SVOPL: variants seen among roughly 807,000 people sequenced by gnomAD.
SVOPL encodes SVOP like.
A neutral mutation model predicts 61.0 loss-of-function variants in SVOPL; 60 were observed. The observed-to-expected ratio is 0.98, with a 90% CI of 0.80 to 1.22. The LOEUF is 1.22. Ranked by LOEUF, SVOPL falls within the 50% of genes most tolerant of loss-of-function variation. The probability of loss-of-function intolerance (pLI) is 0.00; values close to 1 mark genes in which losing one functional copy is unlikely to be tolerated. For missense variants in SVOPL, 662 were observed against 643.9 expected, an observed-to-expected ratio of 1.03 and a Z score of -0.30; for synonymous variants, 279 against 250.0, an observed-to-expected ratio of 1.12 and a Z score of -1.09.
At chr7:138,622,490 G>A (rs879744816) in intron 13 of SVOPL, among the ~76,000 whole-genome samples, 8 of 73,076 alleles carry the variant, frequency 1.1e-4, no homozygotes, top group African/African-American at 1.7e-4. Flanking sequence ...AGGCAGCGGC[G>A]GGCGGGGGGT....
intron 4 of SVOPL, 45 bp from the exon 5 acceptor site, chr7:138,663,190 C>T (rs1802077622): frequency 1.3e-6 from 2 of 1,595,438 alleles, no homozygotes; most frequent in Non-Finnish European, 1.7e-6. Context: ...GCAGGTTTTA[C>T]ATGTTACTTT....
chr7:138,672,739 C>T (rs909919563), intron 3 of SVOPL, among the ~76,000 whole-genome samples: 1 of 150,830 alleles, frequency 6.6e-6, no homozygotes, highest in African/African-American at 2.4e-5. Flanking sequence ...GAACCTCCCA[C>T]CTTGACCTCC....
chr7:138,629,334 G>A (rs1800061793), intron 10 of SVOPL, among the ~76,000 whole-genome samples: 1 of 151,438 alleles, frequency 6.6e-6, no homozygotes, highest in African/African-American at 2.4e-5. Context: ...GGGTTCAAGA[G>A]ATTCTCCTGC....
At chr7:138,679,774 C>A (rs891974043) in intron 1 of SVOPL, among the ~76,000 whole-genome samples, 3 of 152,112 alleles carry the variant, frequency 2.0e-5, no homozygotes, top group Admixed American at 1.3e-4. Flanking sequence ...AAATGGAAGC[C>A]ATTACTATTA....
At chr7:138,640,700 G>A (rs1800740393) in intron 9 of SVOPL, among the ~76,000 whole-genome samples, 1 of 152,134 alleles carries the variant, frequency 6.6e-6, no homozygotes, top group African/African-American at 2.4e-5. Context: ...ACCTTTAAGT[G>A]GGAGCTCAAC....
At chr7:138,623,247 G>A (rs1393026616) in intron 13 of SVOPL, among the ~76,000 whole-genome samples, 1 of 152,116 alleles carries the variant, frequency 6.6e-6, no homozygotes, top group Non-Finnish European at 1.5e-5. Flanking sequence ...TCATCTGGAA[G>A]ATGGAATAAC....
intron 3 of SVOPL, among the ~76,000 whole-genome samples, chr7:138,676,027 G>T (rs777708027): frequency 3.9e-5 from 6 of 152,110 alleles, no homozygotes; most frequent in Non-Finnish European, 8.8e-5. Flanking sequence ...GTAGAAATAG[G>T]GTTTCACTAT....
At chr7:138,603,105 C>T (rs1292869059) in intron 14 of SVOPL, among the ~76,000 whole-genome samples, 1 of 152,124 alleles carries the variant, frequency 6.6e-6, no homozygotes, top group Non-Finnish European at 1.5e-5. Flanking sequence ...CAGACATGCC[C>T]AGAGAGACAA....
At chr7:138,644,694 A>C in intron 9 of SVOPL, 23 bp downstream of exon 9, 1 of 1,612,316 alleles carries the variant, frequency 6.2e-7, no homozygotes, top group East Asian at 2.2e-5. Context: ...TGATAGGAGA[A>C]GACCTCGGGG....
intron 1 of SVOPL, among the ~76,000 whole-genome samples, chr7:138,698,092 G>T (rs1213135120): frequency 6.7e-6 from 1 of 149,166 alleles, no homozygotes; most frequent in African/African-American, 2.5e-5. Flanking sequence ...AGGAGGGAAG[G>T]GAAGAAAGGA....
chr7:138,665,743 T>G (rs1410649213), intron 4 of SVOPL, among the ~76,000 whole-genome samples: 1 of 152,016 alleles, frequency 6.6e-6, no homozygotes, highest in East Asian at 1.9e-4. Context: ...GGGGTACAGA[T>G]CAGTTAGAAT....
intron 3 of SVOPL, 150 bp downstream of exon 3, chr7:138,678,284 C>T (rs1036529815): frequency 3.7e-5 from 24 of 648,650 alleles, no homozygotes; most frequent in African/African-American, 3.0e-4. Context: ...CCTCCCTAAA[C>T]GGTGCCCCAT....
At chr7:138,623,145 C>A (rs1395320872) in intron 13 of SVOPL, among the ~76,000 whole-genome samples, 1 of 152,060 alleles carries the variant, frequency 6.6e-6, no homozygotes, top group East Asian at 1.9e-4. Context: ...TTATTATTTT[C>A]TGAAAAATGA....
At chr7:138,640,357 G>A (rs1038359170) in intron 9 of SVOPL, among the ~76,000 whole-genome samples, 5 of 151,814 alleles carry the variant, frequency 3.3e-5, no homozygotes, top group Admixed American at 1.3e-4. Context: ...TCAGCCTCCC[G>A]AGTAGCTGGG....
chr7:138,636,917 A>G (rs1451373127), intron 9 of SVOPL, among the ~76,000 whole-genome samples: 6 of 152,140 alleles, frequency 3.9e-5, no homozygotes, highest in Admixed American at 1.3e-4. Flanking sequence ...TGACCAGGGG[A>G]ATTTACCCTA....
intron 4 of SVOPL, among the ~76,000 whole-genome samples, chr7:138,665,316 G>T (rs1398236309): frequency 6.6e-6 from 1 of 151,036 alleles, no homozygotes; most frequent in Non-Finnish European, 1.5e-5. Context: ...GGGGGGCCTG[G>T]GAGACAGTGA....
intron 14 of SVOPL, among the ~76,000 whole-genome samples, chr7:138,600,850 AACTG>A (rs1488811084): frequency 3.9e-5 from 6 of 152,310 alleles, no homozygotes; most frequent in African/African-American, 1.2e-4. Flanking sequence ...AGAGAAAGGA[AACTG>A]ACTGTCAGTG....
intron 1 of SVOPL, among the ~76,000 whole-genome samples, chr7:138,695,188 C>T (rs749139859): frequency 6.6e-6 from 1 of 152,176 alleles, no homozygotes; most frequent in Non-Finnish European, 1.5e-5. Context: ...GTTCCTGTTT[C>T]CAAAGAACTT....
At chr7:138,673,154 T>C (rs1247922941) in intron 3 of SVOPL, among the ~76,000 whole-genome samples, 1 of 143,808 alleles carries the variant, frequency 7.0e-6, no homozygotes, top group East Asian at 2.1e-4. Flanking sequence ...AGAATATCTA[T>C]ATGGGTTATT....
Sources: gnomAD v4.1 joint callset for allele counts (sites outside exome capture counted in the v4.1 genomes callset) on GRCh38, gnomAD v4.1.1 for gene constraint, MANE v1.5 for transcripts, NCBI Gene and HGNC (gene_info 2026-07-23, HGNC 2026-07-21) for gene names.